CNIH3: variants seen among roughly 807,000 people sequenced by gnomAD.
CNIH3 encodes the protein cornichon family AMPA receptor auxiliary protein 3, also known as protein cornichon homolog 3.
CNIH3 carries 14 observed loss-of-function variants against 24.1 expected under a neutral mutation model. The ratio of observed to expected loss-of-function variants is 0.58; its 90% CI spans 0.38 to 0.91. The LOEUF is 0.91. Ranked by LOEUF, CNIH3 falls within the 40% of genes least tolerant of loss-of-function variation. The probability of loss-of-function intolerance (pLI) is 0.00; values close to 1 mark genes in which losing one functional copy is unlikely to be tolerated. For missense variants in CNIH3, 178 were observed against 196.8 expected (o/e 0.90, Z 0.57); for synonymous variants, 68 against 73.8 (o/e 0.92, Z 0.40).
Position 224,681,028 on chromosome 1 carries a change from T to A in CNIH3, c.150+2T>A. On this transcript the variant is annotated splice_donor_variant, in intron 2 of 5. Coordinates refer to ENST00000272133, the MANE Select transcript of CNIH3 (RefSeq NM_152495.2). LOFTEE classifies it high-confidence loss of function. ...GACCAGTGCAATCCTGTTCATGCGG[T>A]AAGTGGCGGGTACTGGTGAGGGGAA... 1 of 1,613,810 alleles carries A rather than the reference T, an allele frequency of 6.2e-7. No homozygotes were observed. Among genetic ancestry groups the A allele is most frequent in the Non-Finnish European group, 8.5e-7 (1 of 1,179,726 alleles).
chr1:224,476,610 T>C (rs1246759370), intron 1 of CNIH3, among the ~76,000 whole-genome samples: 3 of 152,168 alleles, frequency 2.0e-5, no homozygotes, highest in Non-Finnish European at 2.9e-5. Context: ...GTGAAAGATT[T>C]CTACAATGAA....
At chr1:224,668,164 G>T (rs1019146453) in intron 1 of CNIH3, among the ~76,000 whole-genome samples, 1 of 152,170 alleles carries the variant, frequency 6.6e-6, no homozygotes, top group Non-Finnish European at 1.5e-5. Flanking sequence ...GTAAGAGAGG[G>T]CCTTGCTTAG....
At chr1:224,650,840 G>C (rs1041284366) in intron 1 of CNIH3, among the ~76,000 whole-genome samples, 1 of 152,148 alleles carries the variant, frequency 6.6e-6, no homozygotes, top group Non-Finnish European at 1.5e-5. Context: ...CCCTGTTGTT[G>C]CTGCTGGAAT....
chr1:224,569,150 G>A lies in CNIH3; in HGVS notation n.516+2886G>A, dbSNP rs59018094. On this transcript the variant is annotated intron_variant and non_coding_transcript_variant, in intron 4 of 5. Transcript: ENST00000471578. ...CCCAAAGTGGTGGGATTACAGGCGT[G>A]AGCCTCTGCACCTGGCCTTGTTCAC... Among the ~76,000 whole-genome samples, 316 of 152,334 alleles carry A rather than the reference G, an allele frequency of 2.1e-3. 4 individuals carry two copies. In the East Asian group the frequency reaches 0.039, roughly 19 times the overall value.
At chr1:224,573,656 T>C (rs1321575733) in intron 4 of CNIH3, among the ~76,000 whole-genome samples, 1 of 152,180 alleles carries the variant, frequency 6.6e-6, no homozygotes, top group Non-Finnish European at 1.5e-5. Context: ...TGTGTGAAAA[T>C]ATAACACCCC....
chr1:224,672,997 C>T (rs572490026), intron 1 of CNIH3, among the ~76,000 whole-genome samples: 1 of 152,176 alleles, frequency 6.6e-6, no homozygotes, highest in Non-Finnish European at 1.5e-5. Flanking sequence ...CTCCGAGTCC[C>T]TGGGTATGAC....
intron 1 of CNIH3, among the ~76,000 whole-genome samples, chr1:224,625,052 A>G (rs930125536): frequency 2.0e-5 from 3 of 152,156 alleles, no homozygotes; most frequent in African/African-American, 7.2e-5. Context: ...TGCTTGGACT[A>G]TAAGCTTCTG....
intron 3 of CNIH3, among the ~76,000 whole-genome samples, chr1:224,559,902 T>C (rs1373302452): frequency 1.3e-5 from 2 of 152,152 alleles, no homozygotes; most frequent in Non-Finnish European, 2.9e-5. Context: ...TATGATGTCT[T>C]TGCATTTTTT....
intron 1 of CNIH3, among the ~76,000 whole-genome samples, chr1:224,651,150 G>A (rs1207226100): frequency 6.6e-6 from 1 of 152,134 alleles, no homozygotes. Flanking sequence ...CTATGATGTA[G>A]TTAATTTAGT....
At chr1:224,452,510 G>A (rs978952986) in intron 1 of CNIH3, among the ~76,000 whole-genome samples, 8 of 151,992 alleles carry the variant, frequency 5.3e-5, no homozygotes, top group South Asian at 2.1e-4. Context: ...GGCCGGGCAC[G>A]GTGGCTCACA....
chr1:224,650,686 G>C (rs1432495746), intron 1 of CNIH3, among the ~76,000 whole-genome samples: 1 of 152,160 alleles, frequency 6.6e-6, no homozygotes, highest in Non-Finnish European at 1.5e-5. Flanking sequence ...TTGGCATGCT[G>C]TTCATAAACG....
At chr1:224,572,330 A>G (rs1680852598) in intron 4 of CNIH3, among the ~76,000 whole-genome samples, 1 of 152,126 alleles carries the variant, frequency 6.6e-6, no homozygotes, top group Non-Finnish European at 1.5e-5. Flanking sequence ...AGCCTAGTCA[A>G]CATGGTGAAA....
At chr1:224,605,952 T>C (rs539468054) in intron 3 of CNIH3, among the ~76,000 whole-genome samples, 1 of 152,316 alleles carries the variant, frequency 6.6e-6, no homozygotes, top group East Asian at 1.9e-4. Flanking sequence ...TGAGACAGGA[T>C]AGTTCCCTTG....
At chr1:224,452,029 T>C (rs954767814) in intron 1 of CNIH3, among the ~76,000 whole-genome samples, 3 of 152,316 alleles carry the variant, frequency 2.0e-5, no homozygotes, top group African/African-American at 4.8e-5. Flanking sequence ...GCCTCCCAGA[T>C]ACTGAGGTTG....
intron 3 of CNIH3, among the ~76,000 whole-genome samples, chr1:224,552,870 A>G (rs754856655): frequency 9.3e-5 from 14 of 151,240 alleles, no homozygotes; most frequent in Non-Finnish European, 1.8e-4. Context: ...GGAGTAATAT[A>G]TCATCTCCCT....
chr1:224,725,542 C>T (rs1444967321), intron 3 of CNIH3, among the ~76,000 whole-genome samples: 1 of 152,186 alleles, frequency 6.6e-6, no homozygotes, highest in East Asian at 1.9e-4. Flanking sequence ...GACTCTGAGT[C>T]TCACAGCTTC....
intron 1 of CNIH3, among the ~76,000 whole-genome samples, chr1:224,636,308 G>T (rs1684084878): frequency 6.6e-6 from 1 of 152,192 alleles, no homozygotes; most frequent in South Asian, 2.1e-4. Context: ...CATAGTCCTG[G>T]AATCCTGACA....
At chr1:224,463,770 CTCATT>C (rs1676030703) in intron 1 of CNIH3, among the ~76,000 whole-genome samples, 1 of 87,096 alleles carries the variant, frequency 1.1e-5, no homozygotes, top group South Asian at 3.6e-4. Flanking sequence ...ATGAATTGTC[CTCATT>C]TTTTTTTTTT....
chr1:224,509,440 G>A (rs572044742), intron 1 of CNIH3, among the ~76,000 whole-genome samples: 1 of 152,158 alleles, frequency 6.6e-6, no homozygotes, highest in African/African-American at 2.4e-5. Flanking sequence ...GTCTGTTCTG[G>A]CTCCATGCTT....
Sources: allele counts gnomAD v4.1 joint callset (sites outside exome capture counted in the v4.1 genomes callset), GRCh38; gene constraint gnomAD v4.1.1; transcripts MANE v1.5; gene names NCBI Gene and HGNC (gene_info 2026-07-23, HGNC 2026-07-21).